ABCG5: variants seen among roughly 807,000 people sequenced by gnomAD.
ABCG5 encodes the protein ATP binding cassette subfamily G member 5.
ABCG5 carries 64 observed loss-of-function variants against 64.5 expected under a neutral mutation model. That is an observed-to-expected ratio of 0.99 (90% CI 0.81 to 1.22). The LOEUF (loss-of-function observed/expected upper bound fraction) is 1.22. Among genes scored for constraint, ABCG5 ranks in the 50% most tolerant of loss-of-function variants. ABCG5 has a pLI of 0.00. For missense variants in ABCG5, 908 were observed against 829.5 expected, an observed-to-expected ratio of 1.09 and a Z score of -1.16; for synonymous variants, 385 against 326.3, an observed-to-expected ratio of 1.18 and a Z score of -1.94.
chr2:43,825,049 G>A, intron 6 of ABCG5, 31 bp from the exon 7 acceptor site: 1 of 1,611,400 alleles, frequency 6.2e-7, no homozygotes, highest in South Asian at 1.1e-5. Context: ...GTTAGTGTGT[G>A]ATCACAAGGG....
At chr2:43,825,591 T>C (rs758754475) in intron 6 of ABCG5, among the ~76,000 whole-genome samples, 17 of 151,064 alleles carry the variant, frequency 1.1e-4, no homozygotes, top group Non-Finnish European at 2.2e-4. Context: ...GCTTAATTTG[T>C]TGTTGTTTTG....
In ABCG5 at chr2:43,824,097, C is replaced by T. The variant is rs1320941680; in HGVS notation, c.1140G>A (p.Val380=). ...GCGTAATCACTGCCAGCTTATTTCT[C>T]ACCAAGTTTCTTGTCACTCTCCTGA... ...VLLRRVTRNL[V]RNKLAVITRL... The change falls in exon 9 of 13, where the codon GTG becomes GTA. Residue 380 remains valine, a synonymous_variant. Transcript: ENST00000405322. The T allele has an allele frequency of 1.9e-6, 3 of 1,614,212 alleles. No homozygotes were observed. In the South Asian group the frequency reaches 3.3e-5, roughly 18 times the overall value.
At chr2:43,816,540 G>A (rs562058942) in intron 11 of ABCG5, among the ~76,000 whole-genome samples, 1 of 152,126 alleles carries the variant, frequency 6.6e-6, no homozygotes, top group East Asian at 1.9e-4. Flanking sequence ...AGGTTGGTTT[G>A]TGCTTTGTCT....
intron 11 of ABCG5, among the ~76,000 whole-genome samples, chr2:43,815,392 T>C (rs1039037755): frequency 6.6e-6 from 1 of 152,234 alleles, no homozygotes; most frequent in Middle Eastern, 3.2e-3. Flanking sequence ...GTTGGAGATA[T>C]AGAATATATC....
chr2:43,821,930 C>A (rs1667235050), intron 10 of ABCG5, among the ~76,000 whole-genome samples: 1 of 152,070 alleles, frequency 6.6e-6, no homozygotes, highest in Non-Finnish European at 1.5e-5. Flanking sequence ...TGCTTGCATC[C>A]TTGATCCCAT....
In ABCG5 at chr2:43,824,410, G is replaced by T; in HGVS notation, c.927C>A (p.Thr309=). The part of the protein sequence containing the change: ...DFYMDLTSVD[T]QSKEREIETS... ...TTTCTATTTCCCGTTCCTTGCTTTG[G>T]GTATCCACTGACGTCAGGTCCACTA... The change falls in exon 8 of 13, where the codon ACC becomes ACA. Residue 309 remains threonine (T), a synonymous_variant. Coordinates refer to ENST00000405322, the MANE Select transcript of ABCG5 (RefSeq NM_022436.3). The T allele has an allele frequency of 1.2e-6, 2 of 1,613,886 alleles. No homozygotes were observed. The highest frequency in any genetic ancestry group is 1.1e-5 in the South Asian group (1 of 91,072).
intron 2 of ABCG5, among the ~76,000 whole-genome samples, chr2:43,834,746 A>G (rs1668156170): frequency 6.6e-6 from 1 of 152,258 alleles, no homozygotes; most frequent in African/African-American, 2.4e-5. Context: ...TCTGCAAAGA[A>G]GCATCTAACC....
intron 2 of ABCG5, among the ~76,000 whole-genome samples, chr2:43,833,452 G>C (rs1036022993): frequency 7.3e-6 from 1 of 136,876 alleles, no homozygotes; most frequent in East Asian, 2.2e-4. Context: ...GCGCAGTCTC[G>C]GCTCACTGCA....
chr2:43,828,496 A>G (rs1558756893), intron 4 of ABCG5: 4 of 377,518 alleles, frequency 1.1e-5, no homozygotes, highest in Admixed American at 3.6e-5. Context: ...AAAAAAAAGA[A>G]AGAAAAAAAC....
At chr2:43,837,118 G>C (rs1480932804) in intron 2 of ABCG5, among the ~76,000 whole-genome samples, 1 of 137,128 alleles carries the variant, frequency 7.3e-6, no homozygotes, top group Non-Finnish European at 1.5e-5. Context: ...TTATTCTCCA[G>C]TCTTTTTTTT....
rs748314198 is a variant in ABCG5 at position 43,813,276 on chromosome 2, A to G, written c.1796T>C (p.Met599Thr). The G allele has an allele frequency of 6.2e-7, 1 of 1,613,890 alleles. No homozygotes were observed. The highest frequency in any genetic ancestry group is 1.1e-5 in the South Asian group (1 of 91,008). The change falls in exon 13 of 13, where the codon ATG becomes ACG. Residue 599 changes from methionine to threonine, a missense_variant. Physicochemically the swap from Met to Thr is moderately conservative, Grantham distance 81. Coordinates refer to ENST00000405322, the MANE Select transcript of ABCG5 (RefSeq NM_022436.3). Reference protein sequence around the residue: ...SSNVSVTTNPMCAFTQGIQFI... With the variant: ...SSNVSVTTNPTCAFTQGIQFI... The stretch of plus-strand genomic sequence containing the variant: ...TTGAATTCCTTGAGTGAAGGCACAC[A>G]TTGGATTAGTTGTCACAGAAACATT...
At chr2:43,820,278 T>C (rs1572755295) in intron 10 of ABCG5, among the ~76,000 whole-genome samples, 178 bp from the exon 11 acceptor site, 1 of 152,236 alleles carries the variant, frequency 6.6e-6, no homozygotes, top group South Asian at 2.1e-4. Context: ...CTATTTATTA[T>C]ATCAAATTGT....
upstream of ABCG5, chr2:43,838,998 A>G (rs1668456395): frequency 6.6e-7 from 1 of 1,517,344 alleles, no homozygotes; most frequent in Admixed American, 2.0e-5. The surrounding 1 kb of genome is among the most constrained non-coding windows in gnomAD (Gnocchi z 4.2). Context: ...TGGCCCTGGC[A>G]GGCAGCAGCT....
At chr2:43,833,827 G>A (rs1668095581) in intron 2 of ABCG5, among the ~76,000 whole-genome samples, 1 of 152,104 alleles carries the variant, frequency 6.6e-6, no homozygotes, top group Non-Finnish European at 1.5e-5. Context: ...TGGAATTACA[G>A]GCGTGTGCCA....
intron 4 of ABCG5, among the ~76,000 whole-genome samples, chr2:43,829,200 C>T (rs1306962518): frequency 6.6e-6 from 1 of 152,108 alleles, no homozygotes; most frequent in East Asian, 1.9e-4. Context: ...ATCATAAATG[C>T]TTTATGTGTT....
In ABCG5 at chr2:43,826,519, C is replaced by A; in HGVS notation, c.637G>T (p.Val213Phe). ...IAAQLLQDPK[V>F]MLFDEPTTGL... ...GTGGTTGGCTCATCAAACAGCATGACCTCTGCCAGCAAAGAAGGGCCAGAC... is the reference window on the plus strand; with the variant it reads ...GTGGTTGGCTCATCAAACAGCATGAACTCTGCCAGCAAAGAAGGGCCAGAC... The change falls in exon 6 of 13, where the codon GTC (valine) becomes TTC (phenylalanine). Residue 213 changes from valine to phenylalanine, a missense_variant and splice_region_variant. By Grantham distance (50) the Val-to-Phe change is conservative (BLOSUM62 -1). Transcript: ENST00000405322. The A allele has an allele frequency of 1.2e-6, 2 of 1,614,196 alleles. No homozygotes were observed. The highest frequency in any genetic ancestry group is 2.2e-5 in the South Asian group (2 of 91,086).
chr2:43,811,383 T>A (rs543557268), downstream of ABCG5, among the ~76,000 whole-genome samples: 1 of 152,348 alleles, frequency 6.6e-6, no homozygotes, highest in East Asian at 1.9e-4. Context: ...GTTTCCTTAA[T>A]GAAATGATCT....
At chr2:43,807,505 T>C (rs772113083), downstream of ABCG5, among the ~76,000 whole-genome samples, 5 of 151,948 alleles carry the variant, frequency 3.3e-5, no homozygotes, top group Admixed American at 6.6e-5. Flanking sequence ...AATGGGGAGA[T>C]CATGGCTCAC....
chr2:43,824,988 C>G lies in ABCG5; in HGVS notation c.805G>C (p.Gly269Arg). 1.2e-6 allele frequency: 2 copies of G among 1,613,828 alleles called. No individual in the cohort carries two copies. The highest frequency in any genetic ancestry group is 1.7e-6 in the Non-Finnish European group (2 of 1,179,886). Reference sequence around the variant, plus strand: ...GGCGTGCCACAGAAAATCAGCTCTCCGAAGCTCAGGATGGCAATTTTGTCA... The same window carrying G: ...GGCGTGCCACAGAAAATCAGCTCTCGGAAGCTCAGGATGGCAATTTTGTCA... ...LFDKIAILSF[G>R]ELIFCGTPAE... The change falls in exon 7 of 13, where the codon GGA (glycine) becomes CGA (arginine). Residue 269 changes from glycine (G) to arginine (R), a missense_variant. Coordinates refer to ENST00000405322, the MANE Select transcript of ABCG5 (RefSeq NM_022436.3).
Sources: allele counts gnomAD v4.1 joint callset (sites outside exome capture counted in the v4.1 genomes callset), GRCh38; gene constraint gnomAD v4.1.1; non-coding constraint Gnocchi (gnomAD v3.1); transcripts MANE v1.5; gene names NCBI Gene and HGNC (gene_info 2026-07-23, HGNC 2026-07-21).